The following CASP8 variants were observed in gnomAD, a reference collection of about 807,000 sequenced individuals.
CASP8 encodes the protein caspase 8.
Under a neutral mutation model 46.3 loss-of-function variants are expected in CASP8, and 24 were observed. That is an observed-to-expected ratio of 0.52 (90% CI 0.38 to 0.73). The LOEUF (loss-of-function observed/expected upper bound fraction) is 0.73. Among genes scored for constraint, CASP8 ranks in the 30% least tolerant of loss-of-function variants. CASP8 has a pLI of 0.00. For missense variants in CASP8, 460 were observed against 559.0 expected (o/e 0.82, Z 1.79); for synonymous variants, 188 against 200.4 (o/e 0.94, Z 0.52).
chr2:201,279,768 C>T (rs959514309), intron 7 of CASP8, among the ~76,000 whole-genome samples: 22 of 152,174 alleles, frequency 1.4e-4, no homozygotes, highest in African/African-American at 4.1e-4. Context: ...GCCTGACCAA[C>T]ATGGTGAAAC....
At chr2:201,258,143 G>A, upstream of CASP8, 1 of 1,435,732 alleles carries the variant, frequency 7.0e-7, no homozygotes, top group African/African-American at 1.4e-5. Context: ...CTGGAGGGAA[G>A]TGTTTTCACA....
chr2:201,249,718 C>A (rs2124984209), intron 2 of CASP8, among the ~76,000 whole-genome samples: 1 of 152,246 alleles, frequency 6.6e-6, no homozygotes, highest in East Asian at 1.9e-4. Context: ...GAGAGAGACC[C>A]TGTCTCAGAA....
At chr2:201,275,023 T>A in intron 6 of CASP8, 70 bp downstream of exon 6, 1 of 1,188,624 alleles carries the variant, frequency 8.4e-7, no homozygotes, top group Non-Finnish European at 1.2e-6. Flanking sequence ...TAGCTTTTTT[T>A]TTTTTTTGCT....
intron 2 of CASP8, among the ~76,000 whole-genome samples, chr2:201,236,661 C>T (rs944893815): frequency 2.6e-5 from 4 of 151,418 alleles, no homozygotes; most frequent in South Asian, 2.1e-4. Flanking sequence ...CTCGGCTTAC[C>T]GAACCCTGGC....
intron 2 of CASP8, among the ~76,000 whole-genome samples, chr2:201,239,394 G>A (rs1946206183): frequency 6.6e-6 from 1 of 152,128 alleles, no homozygotes; most frequent in African/African-American, 2.4e-5. Flanking sequence ...GCCGGGCGGG[G>A]GGCTGACCCC....
At position 201,246,096 on chromosome 2, in the gene CASP8, T is replaced by G. The variant is rs950467256; in HGVS notation, c.-27+11984T>G. Among the ~76,000 whole-genome samples, 7 of 152,276 alleles carry G rather than the reference T, an allele frequency of 4.6e-5. No individual in the cohort carries two copies. In the East Asian group the frequency reaches 1.4e-3, roughly 29 times the overall value. ...TGAGGCTGGTCTCGAACTCCCAACC[T>G]CAGGTGATCTGCCTGCCTTGGCCTC... is the stretch of plus-strand genomic sequence containing the variant. On this transcript the variant is annotated intron_variant, in intron 2 of 6. Transcript: ENST00000264274.
intron 2 of CASP8, among the ~76,000 whole-genome samples, chr2:201,253,007 C>T (rs1331983363): frequency 6.6e-6 from 1 of 151,896 alleles, no homozygotes; most frequent in Non-Finnish European, 1.5e-5. Context: ...TTGTTTTAGA[C>T]AGGGGCTCGC....
intron 2 of CASP8, among the ~76,000 whole-genome samples, chr2:201,255,018 G>C (rs549239911): frequency 2.8e-4 from 43 of 152,326 alleles, no homozygotes; most frequent in African/African-American, 1.0e-3. Context: ...AGCAAATGAA[G>C]TAATAATGAT....
At chr2:201,255,737 G>C (rs941750918), upstream of CASP8, among the ~76,000 whole-genome samples, 3 of 152,140 alleles carry the variant, frequency 2.0e-5, no homozygotes, top group African/African-American at 7.2e-5. Flanking sequence ...AAATAACATA[G>C]TAGTGAATAT....
chr2:201,268,551 CAA>C (rs199733736), intron 2 of CASP8, among the ~76,000 whole-genome samples: 5 of 143,136 alleles, frequency 3.5e-5, no homozygotes, highest in Non-Finnish European at 7.7e-5. Context: ...AACTCTGTCT[CAA>C]AAAAAAAAAG....
chr2:201,264,208 G>T (rs531969503), intron 1 of CASP8, among the ~76,000 whole-genome samples: 5 of 152,266 alleles, frequency 3.3e-5, no homozygotes, highest in African/African-American at 1.2e-4. Context: ...ATAAACAGTT[G>T]TTTCTGCTCT....
intron 2 of CASP8, chr2:201,234,186 C>T (rs1945942519): frequency 6.6e-6 from 1 of 152,396 alleles, no homozygotes; most frequent in Admixed American, 6.5e-5. Context: ...CCTATCTAGA[C>T]ACCAGTGGGC....
intron 2 of CASP8, among the ~76,000 whole-genome samples, chr2:201,244,840 C>T (rs1204017427): frequency 6.6e-6 from 1 of 152,122 alleles, no homozygotes; most frequent in Non-Finnish European, 1.5e-5. Flanking sequence ...TTGTAGGGTT[C>T]CCCAGAGAGA....
In CASP8 at chr2:201,260,602, C is replaced by T. The variant is rs977559736; in HGVS notation, c.-38C>T. ...AGGCCTGTGACGAAGGTGCTACCATCGTGAGAGTAAGGTAAGGATTTGCCT... is the reference window on the plus strand; with the variant it reads ...AGGCCTGTGACGAAGGTGCTACCATTGTGAGAGTAAGGTAAGGATTTGCCT... On this transcript the variant is annotated 5_prime_UTR_variant, in exon 1 of 9. Transcript: ENST00000673742. 11 of 980,194 alleles carry T rather than the reference C, an allele frequency of 1.1e-5. No individual in the cohort carries two copies. Among genetic ancestry groups the T allele is most frequent in the African/African-American group, 7.0e-5 (4 of 57,216 alleles). The allele number at this position is 980,194 out of a possible 1,614,324, so 60.7% of individuals were successfully genotyped here.
chr2:201,260,449 A>C, upstream of CASP8: 2 of 711,184 alleles, frequency 2.8e-6, no homozygotes, highest in Non-Finnish European at 3.5e-6. Flanking sequence ...GGCAAGTGGT[A>C]AGCGCTCTTT....
chr2:201,248,490 A>G (rs563692146), intron 2 of CASP8, among the ~76,000 whole-genome samples: 1 of 152,350 alleles, frequency 6.6e-6, no homozygotes, highest in African/African-American at 2.4e-5. Flanking sequence ...TGAAAACAAG[A>G]TGCAAATTTT....
At chr2:201,271,454 A>G in intron 2 of CASP8, 62 bp from the exon 3 acceptor site, 1 of 997,284 alleles carries the variant, frequency 1.0e-6, no homozygotes, top group Non-Finnish European at 1.6e-6. Context: ...CTGTGACTCC[A>G]TATATCAAAT....
At position 201,272,721 on chromosome 2, in the gene CASP8, C is replaced by T. The variant is rs201525799; in HGVS notation, c.495C>T (p.Ala165=). ...GKLDILKRVC[A]QINKSLLKII... Reference sequence around the variant, plus strand: ...TGGACATCCTGAAAAGAGTCTGTGCCCAAATCAACAAGAGCCTGCTGAAGA... The same window carrying T: ...TGGACATCCTGAAAAGAGTCTGTGCTCAAATCAACAAGAGCCTGCTGAAGA... Residue 165 remains alanine, a synonymous_variant, in exon 4 of 9, where the codon GCC becomes GCT. Coordinates refer to ENST00000673742, the MANE Select transcript of CASP8 (RefSeq NM_001372051.1). This position sits in a 1 kb window ranked among gnomAD's most constrained non-coding sequence, Gnocchi z 4.4. The T allele has an allele frequency of 4.3e-5, 69 of 1,614,126 alleles. No homozygotes were observed. The highest frequency in any genetic ancestry group is 4.5e-5 in the Non-Finnish European group (53 of 1,180,002).
At position 201,253,293 on chromosome 2, in the gene CASP8, C is replaced by CTTTTTTTTT. The variant is rs34341476; in HGVS notation, c.-26-13146_-26-13138dup. ...TGTGAGCCACTGCACCTAGCCTGAT[C>CTTTTTTTTT]TTTTTTTTTTTTTTTTTTTTTTTTT... On this transcript the variant is annotated intron_variant, in intron 2 of 6. Transcript: ENST00000264274. 4.4e-5 allele frequency among the ~76,000 whole-genome samples: 3 copies of CTTTTTTTTT among 67,964 alleles called. 1 individual carries two copies. The highest frequency in any genetic ancestry group is 7.8e-5 in the Non-Finnish European group (3 of 38,382). 44.6% of individuals were successfully genotyped at this position (67,964 alleles called of 152,430 possible).
Sources: gnomAD v4.1 joint callset for allele counts (sites outside exome capture counted in the v4.1 genomes callset) on GRCh38, gnomAD v4.1.1 for gene constraint, Gnocchi (gnomAD v3.1) non-coding constraint, MANE v1.5 for transcripts, NCBI Gene and HGNC (gene_info 2026-07-23, HGNC 2026-07-21) for gene names.